Variants in CLSTN2 observed in about 807,000 individuals in gnomAD.
CLSTN2 encodes the protein calsyntenin 2.
Under a neutral mutation model 101.2 loss-of-function variants are expected in CLSTN2, and 48 were observed. That is an observed-to-expected ratio of 0.47 (90% confidence interval 0.38 to 0.60). CLSTN2 has a LOEUF of 0.60. Ranked by LOEUF, CLSTN2 falls within the 20% of genes least tolerant of loss-of-function variation. The probability of loss-of-function intolerance (pLI) is 0.00; values close to 1 mark genes in which losing one functional copy is unlikely to be tolerated. For missense variants in CLSTN2, 1,160 were observed against 1,238.2 expected (o/e 0.94, Z 0.95); for synonymous variants, 481 against 463.6 (o/e 1.04, Z -0.48).
intron 1 of CLSTN2, among the ~76,000 whole-genome samples, chr3:140,074,134 CT>C (rs940472319): frequency 5.3e-5 from 8 of 151,584 alleles, no homozygotes; most frequent in Admixed American, 2.6e-4. Context: ...TGCTGTTTTG[CT>C]TTTTTTTTCC....
chr3:140,266,284 G>C (rs924397973), intron 2 of CLSTN2, among the ~76,000 whole-genome samples: 1 of 152,226 alleles, frequency 6.6e-6, no homozygotes, highest in South Asian at 2.1e-4. Flanking sequence ...AAGCATAAAT[G>C]AGCAGAAAAT....
chr3:140,417,951 A>G (rs545342634), intron 4 of CLSTN2, among the ~76,000 whole-genome samples: 1 of 152,300 alleles, frequency 6.6e-6, no homozygotes, highest in South Asian at 2.1e-4. Context: ...ACTTTCATTA[A>G]GACTTGTTAT....
chr3:140,100,414 A>G (rs1409759288), intron 1 of CLSTN2, among the ~76,000 whole-genome samples: 2 of 152,210 alleles, frequency 1.3e-5, no homozygotes, highest in African/African-American at 2.4e-5. Context: ...ATGCTACCTT[A>G]TCTTCCACTT....
chr3:140,047,205 C>T (rs1255905640), intron 1 of CLSTN2, among the ~76,000 whole-genome samples: 1 of 152,194 alleles, frequency 6.6e-6, no homozygotes, highest in Non-Finnish European at 1.5e-5. Context: ...TTTCTCTTCT[C>T]TTTCTGCTTC....
intron 2 of CLSTN2, among the ~76,000 whole-genome samples, chr3:140,190,836 T>A (rs1048870772): frequency 1.3e-5 from 2 of 152,126 alleles, no homozygotes; most frequent in Non-Finnish European, 2.9e-5. Context: ...CTTGGGACTT[T>A]CCATATGGAC....
intron 1 of CLSTN2, among the ~76,000 whole-genome samples, chr3:140,085,719 C>G (rs2008670108): frequency 6.6e-6 from 1 of 152,172 alleles, no homozygotes; most frequent in Non-Finnish European, 1.5e-5. Context: ...GCCCCAGGAT[C>G]TCCTACAAGC....
At chr3:140,401,982 C>T (rs1398365350) in intron 2 of CLSTN2, among the ~76,000 whole-genome samples, 1 of 151,922 alleles carries the variant, frequency 6.6e-6, no homozygotes, top group Admixed American at 6.6e-5. Flanking sequence ...CTGTCTTGTC[C>T]ATTTATTCCA....
At position 140,562,328 on chromosome 3, in the gene CLSTN2, C is replaced by T; in HGVS notation, c.2212+20C>T. 1.2e-6 allele frequency: 2 copies of T among 1,604,634 alleles called. No individual in the cohort carries two copies. The highest frequency in any genetic ancestry group is 2.2e-5 in the East Asian group (1 of 44,708). On this transcript the variant is annotated intron_variant, in intron 13 of 16. Coordinates refer to ENST00000458420, the MANE Select transcript of CLSTN2 (RefSeq NM_022131.3). ...TCTACGGTAAGGCCACACTCAGCCC[C>T]CTTTGCCCCAAGGGTGTCCTCTTAG...
intron 1 of CLSTN2, among the ~76,000 whole-genome samples, chr3:140,078,391 A>G (rs900811047): frequency 2.0e-5 from 3 of 152,110 alleles, no homozygotes; most frequent in Non-Finnish European, 4.4e-5. Flanking sequence ...ACTGAGCTCT[A>G]TTTTTGCCAA....
rs552142044 is a variant in CLSTN2, at chr3:140,177,942, G to A, written c.232+1869G>A. 3.3e-5 allele frequency among the ~76,000 whole-genome samples: 5 copies of A among 152,046 alleles called. No individual in the cohort carries two copies. The East Asian group carries it at 9.7e-4, about 29-fold the overall frequency. ...ACTTCCCTCATCCCCTTTCCTCCCA[G>A]CCTATATGCAGAGGCCCTTCCACCA... On this transcript the variant is annotated intron_variant, in intron 2 of 16. Transcript: ENST00000458420.
At chr3:139,942,115 T>C (rs948727947) in intron 1 of CLSTN2, among the ~76,000 whole-genome samples, 2 of 152,158 alleles carry the variant, frequency 1.3e-5, no homozygotes, top group African/African-American at 2.4e-5. Flanking sequence ...TGAGGAAGGC[T>C]CTGAGTGAGG....
chr3:140,103,235 G>A (rs1347183042), intron 1 of CLSTN2, among the ~76,000 whole-genome samples: 1 of 152,160 alleles, frequency 6.6e-6, no homozygotes, highest in Non-Finnish European at 1.5e-5. Context: ...TTGATGAGAG[G>A]CTGGGCTGTA....
chr3:140,147,935 T>G (rs1279492531), intron 1 of CLSTN2, among the ~76,000 whole-genome samples: 1 of 152,210 alleles, frequency 6.6e-6, no homozygotes, highest in Non-Finnish European at 1.5e-5. Flanking sequence ...TGAATTCATC[T>G]TGTATGAGTA....
intron 1 of CLSTN2, among the ~76,000 whole-genome samples, chr3:139,940,251 T>C (rs1576370597): frequency 6.6e-6 from 1 of 152,210 alleles, no homozygotes; most frequent in South Asian, 2.1e-4. Context: ...ATAGACAATT[T>C]ATGTGTTTTT....
chr3:140,280,864 T>A (rs2086839296), intron 2 of CLSTN2, among the ~76,000 whole-genome samples: 1 of 152,222 alleles, frequency 6.6e-6, no homozygotes, highest in South Asian at 2.1e-4. Flanking sequence ...TAAGGACTTT[T>A]GTACACTAAA....
intron 1 of CLSTN2, among the ~76,000 whole-genome samples, chr3:140,168,177 T>A (rs1419114960): frequency 6.6e-6 from 1 of 152,196 alleles, no homozygotes; most frequent in Non-Finnish European, 1.5e-5. Context: ...TTACTTTACA[T>A]GTTTATCAGA....
intron 6 of CLSTN2, among the ~76,000 whole-genome samples, chr3:140,450,345 A>G (rs1933214822): frequency 6.6e-6 from 1 of 152,198 alleles, no homozygotes; most frequent in African/African-American, 2.4e-5. Context: ...GGGAGCTAGA[A>G]TGTAAATCTC....
chr3:140,411,501 A>G (rs371832074), intron 4 of CLSTN2, among the ~76,000 whole-genome samples: 39 of 152,386 alleles, frequency 2.6e-4, no homozygotes, highest in African/African-American at 9.1e-4. Context: ...TCAACAATGG[A>G]TAGAGTATCA....
chr3:140,377,335 T>C (rs1478542463), intron 2 of CLSTN2, among the ~76,000 whole-genome samples: 6 of 152,248 alleles, frequency 3.9e-5, no homozygotes, highest in Admixed American at 2.0e-4. Context: ...ATTTATTTTT[T>C]ATTGCTATTT....
Sources: gnomAD v4.1 joint callset for allele counts (sites outside exome capture counted in the v4.1 genomes callset) on GRCh38, gnomAD v4.1.1 for gene constraint, MANE v1.5 for transcripts, NCBI Gene and HGNC (gene_info 2026-07-23, HGNC 2026-07-21) for gene names.